Variants in THSD7A observed in about 807,000 individuals in gnomAD.
The protein encoded by THSD7A is thrombospondin type-1 domain-containing protein 7A.
In THSD7A, 96 loss-of-function variants were observed where a neutral mutation model predicts 231.3. The ratio of observed to expected loss-of-function variants is 0.41; its 90% confidence interval spans 0.35 to 0.49. THSD7A has a LOEUF of 0.49. THSD7A is among the 20% of genes least tolerant of loss of function. The pLI, the probability that THSD7A is intolerant of heterozygous loss-of-function variation, is 0.05. For missense variants in THSD7A, 2,290 were observed against 2,070.2 expected (o/e 1.11, Z -2.06); for synonymous variants, 940 against 743.3 (o/e 1.26, Z -4.30).
intron 6 of THSD7A, among the ~76,000 whole-genome samples, chr7:11,496,598 C>T (rs971979304): frequency 7.9e-5 from 12 of 152,112 alleles, no homozygotes; most frequent in Non-Finnish European, 1.5e-4. Flanking sequence ...TTGTGCTCAA[C>T]TATCTAATGC....
chr7:11,507,830 A>G (rs1385713507), intron 6 of THSD7A, among the ~76,000 whole-genome samples: 1 of 152,208 alleles, frequency 6.6e-6, no homozygotes, highest in Non-Finnish European at 1.5e-5. Context: ...ATCTGATAAA[A>G]GCTTAACATG....
intron 1 of THSD7A, among the ~76,000 whole-genome samples, chr7:11,640,811 T>C (rs2681048): frequency 0.15 from 23,313 of 152,142 alleles, 1,921 homozygotes; most frequent in Admixed American, 0.21. Context: ...AAAAGTTTAA[T>C]AATACTGGCA....
chr7:11,617,026 G>A (rs934824445), intron 2 of THSD7A, among the ~76,000 whole-genome samples: 3 of 152,154 alleles, frequency 2.0e-5, no homozygotes, highest in African/African-American at 7.2e-5. Context: ...ATATCACAGT[G>A]ATGCTATATT....
intron 4 of THSD7A, among the ~76,000 whole-genome samples, chr7:11,560,441 T>C (rs201973163): frequency 9.6e-6 from 1 of 104,492 alleles, no homozygotes; most frequent in Non-Finnish European, 2.3e-5. Context: ...AATAAGACTA[T>C]AAAATTTGTC....
intron 1 of THSD7A, among the ~76,000 whole-genome samples, chr7:11,666,354 G>A (rs566800653): frequency 6.6e-6 from 1 of 151,888 alleles, no homozygotes. Flanking sequence ...GAATAATTTT[G>A]TGCATAAAAT....
chr7:11,416,187 A>G (rs1294440064), intron 17 of THSD7A, among the ~76,000 whole-genome samples: 1 of 152,174 alleles, frequency 6.6e-6, no homozygotes, highest in Non-Finnish European at 1.5e-5. Context: ...TCTTTTATAA[A>G]TAATAGAGCC....
intron 6 of THSD7A, among the ~76,000 whole-genome samples, chr7:11,495,775 T>C (rs1405593112): frequency 6.6e-6 from 1 of 152,152 alleles, no homozygotes; most frequent in Non-Finnish European, 1.5e-5. Context: ...GTGCTGAGAC[T>C]TTTGAAGTCT....
intron 16 of THSD7A, among the ~76,000 whole-genome samples, chr7:11,421,685 A>G (rs1050633556): frequency 2.6e-5 from 4 of 152,330 alleles, no homozygotes; most frequent in Middle Eastern, 3.4e-3. Context: ...CTTTAAATGT[A>G]TCTTTTCATT....
chr7:11,667,792 C>T (rs6947548), intron 1 of THSD7A, among the ~76,000 whole-genome samples: 95,758 of 151,734 alleles, frequency 0.63, 30,582 homozygotes, highest in African/African-American at 0.72. Flanking sequence ...TTTAACAAAG[C>T]TGTATAAAGG....
chr7:11,696,273 T>A (rs559123938), intron 1 of THSD7A, among the ~76,000 whole-genome samples: 1 of 151,400 alleles, frequency 6.6e-6, no homozygotes, highest in Non-Finnish European at 1.5e-5. Context: ...AAATTGCCAA[T>A]GGATAATATG....
chr7:11,772,567 C>T (rs149440830), intron 1 of THSD7A, among the ~76,000 whole-genome samples: 102 of 152,198 alleles, frequency 6.7e-4, no homozygotes, highest in Non-Finnish European at 1.1e-3. Context: ...ATGTCCTTTA[C>T]ATGGATGCAG....
At chr7:11,498,064 A>G (rs1465497902) in intron 6 of THSD7A, among the ~76,000 whole-genome samples, 2 of 152,164 alleles carry the variant, frequency 1.3e-5, no homozygotes, top group African/African-American at 4.8e-5. Flanking sequence ...GGAGCCTTAG[A>G]TACTTGGGCC....
intron 6 of THSD7A, among the ~76,000 whole-genome samples, chr7:11,497,920 T>A (rs552517876): frequency 3.9e-5 from 6 of 152,086 alleles, no homozygotes; most frequent in African/African-American, 1.4e-4. Flanking sequence ...CGGGAAACCA[T>A]GCTTCCCCCA....
At chr7:11,735,524 A>G (rs1007889962) in intron 1 of THSD7A, among the ~76,000 whole-genome samples, 3 of 151,504 alleles carry the variant, frequency 2.0e-5, no homozygotes, top group Admixed American at 6.6e-5. Context: ...TTTTATGTTT[A>G]GACTTGATAC....
intron 1 of THSD7A, among the ~76,000 whole-genome samples, chr7:11,705,864 C>G (rs1780748891): frequency 6.6e-6 from 1 of 150,854 alleles, no homozygotes; most frequent in Non-Finnish European, 1.5e-5. Context: ...TGTCTCAACA[C>G]CTATCACAAA....
intron 1 of THSD7A, among the ~76,000 whole-genome samples, chr7:11,643,678 T>G (rs1019257951): frequency 4.0e-5 from 6 of 151,870 alleles, no homozygotes; most frequent in Admixed American, 3.9e-4. Context: ...ATTTTCACAT[T>G]TAGATCTATA....
At chr7:11,412,178 A>G (rs1404829832) in intron 18 of THSD7A, among the ~76,000 whole-genome samples, 1 of 152,126 alleles carries the variant, frequency 6.6e-6, no homozygotes, top group Admixed American at 6.6e-5. Context: ...ATACTCATCA[A>G]TTTTTACCTG....
At position 11,374,169 on chromosome 7, in the gene THSD7A, C is replaced by T. The variant is rs1782171862; in HGVS notation, c.*1625G>A. On this transcript the variant is annotated 3_prime_UTR_variant, in exon 28 of 28. Coordinates refer to ENST00000423059, the MANE Select transcript of THSD7A (RefSeq NM_015204.3). Reference sequence around the variant, plus strand: ...AAATATGACCTGCAAAGGTGGCCTACTGGCTGTTTTTGTAAGGGAAGTTAT... The same window carrying T: ...AAATATGACCTGCAAAGGTGGCCTATTGGCTGTTTTTGTAAGGGAAGTTAT... 2 of 152,112 alleles carry T rather than the reference C, an allele frequency of 1.3e-5. No homozygotes were observed. Among genetic ancestry groups the T allele is most frequent in the African/African-American group, 2.4e-5 (1 of 41,438 alleles). 9.4% of individuals were successfully genotyped at this position (152,112 alleles called of 1,614,324 possible). A position where few individuals can be genotyped will look rare whatever the true frequency, so the allele number is the denominator to read the frequency against.
chr7:11,586,115 T>C lies in THSD7A; in HGVS notation c.1453+4345A>G, dbSNP rs1396787868. Among the ~76,000 whole-genome samples, 4 of 152,258 alleles carry C rather than the reference T, an allele frequency of 2.6e-5. No individual in the cohort carries two copies. The East Asian group carries it at 5.8e-4, about 22-fold the overall frequency. On this transcript the variant is annotated intron_variant, in intron 4 of 27. Transcript: ENST00000423059. Reference sequence around the variant, plus strand: ...CCATATTAAGATGAGCAGAAAGTGGTATGCTTAGAAATACAATAAATTATG... The same window carrying C: ...CCATATTAAGATGAGCAGAAAGTGGCATGCTTAGAAATACAATAAATTATG...
Sources: gnomAD v4.1 joint callset for allele counts (sites outside exome capture counted in the v4.1 genomes callset) on GRCh38, gnomAD v4.1.1 for gene constraint, MANE v1.5 for transcripts, NCBI Gene and HGNC (gene_info 2026-07-23, HGNC 2026-07-21) for gene names.